CACNB2: variants seen among roughly 807,000 people sequenced by gnomAD.
CACNB2 encodes the protein calcium voltage-gated channel auxiliary subunit beta 2.
CACNB2 carries 42 observed loss-of-function variants against 73.3 expected under a neutral mutation model. That is an observed-to-expected ratio of 0.57 (90% CI 0.45 to 0.74). The LOEUF is 0.74. Among genes scored for constraint, CACNB2 ranks in the 30% least tolerant of loss-of-function variants. CACNB2 has a pLI of 0.00. For missense variants in CACNB2, 940 were observed against 853.0 expected, an observed-to-expected ratio of 1.10 and a Z score of -1.27; for synonymous variants, 348 against 310.3, an observed-to-expected ratio of 1.12 and a Z score of -1.28.
At chr10:18,462,750 A>T (rs1418632797) in intron 3 of CACNB2, among the ~76,000 whole-genome samples, 2 of 150,858 alleles carry the variant, frequency 1.3e-5, no homozygotes, top group Admixed American at 6.6e-5. Flanking sequence ...TACGTATTTT[A>T]TTTTTTATTT....
At chr10:18,193,311 C>T (rs188761152) in intron 2 of CACNB2, among the ~76,000 whole-genome samples, 223 of 151,734 alleles carry the variant, frequency 1.5e-3, no homozygotes, top group African/African-American at 5.1e-3. Context: ...TACATTTTCC[C>T]CAGCAATAAA....
intron 3 of CACNB2, 21 bp from the exon 4 acceptor site, chr10:18,498,334 C>T (rs1472776393): frequency 1.9e-6 from 3 of 1,613,898 alleles, no homozygotes; most frequent in Non-Finnish European, 2.5e-6. Flanking sequence ...ATTTTTTTCC[C>T]TCTTCCTTTT....
chr10:18,351,217 G>A (rs1216219181), intron 2 of CACNB2, among the ~76,000 whole-genome samples: 1 of 150,664 alleles, frequency 6.6e-6, no homozygotes, highest in African/African-American at 2.4e-5. Context: ...GCTTTCTTGG[G>A]ATCTTTAAAA....
At chr10:18,533,963 G>A in intron 10 of CACNB2, 113 bp from the exon 11 acceptor site, 1 of 933,662 alleles carries the variant, frequency 1.1e-6, no homozygotes, top group Non-Finnish European at 1.7e-6. Flanking sequence ...TCTATTGCCT[G>A]TAAGCATTAA....
At chr10:18,200,389 G>C (rs1423342287) in intron 2 of CACNB2, among the ~76,000 whole-genome samples, 1 of 151,780 alleles carries the variant, frequency 6.6e-6, no homozygotes, top group Non-Finnish European at 1.5e-5. Context: ...GTAATCTTTG[G>C]TATATCTTAT....
At chr10:18,314,115 C>CA (rs2040064113) in intron 2 of CACNB2, among the ~76,000 whole-genome samples, 3 of 104,544 alleles carry the variant, frequency 2.9e-5, no homozygotes, top group African/African-American at 1.1e-4. Context: ...ATTGGACACA[C>CA]GTATACATGG....
chr10:18,198,029 A>G (rs999884891), intron 2 of CACNB2, among the ~76,000 whole-genome samples: 2 of 148,122 alleles, frequency 1.4e-5, no homozygotes, highest in African/African-American at 4.9e-5. Flanking sequence ...ATAAATTTAC[A>G]TAATATACAG....
intron 2 of CACNB2, among the ~76,000 whole-genome samples, chr10:18,274,526 G>A (rs2038194108): frequency 1.3e-5 from 2 of 152,238 alleles, no homozygotes; most frequent in Admixed American, 6.5e-5. Flanking sequence ...GATTAAAGAT[G>A]GGTGAAGAGA....
intron 2 of CACNB2, among the ~76,000 whole-genome samples, chr10:18,207,072 G>A (rs2035125533): frequency 6.6e-6 from 1 of 152,128 alleles, no homozygotes; most frequent in African/African-American, 2.4e-5. Flanking sequence ...GCTGTGGCAT[G>A]ATCTCAGCTC....
intron 2 of CACNB2, chr10:18,340,871 G>C (rs2041204221): frequency 6.2e-7 from 1 of 1,614,040 alleles, no homozygotes; most frequent in Non-Finnish European, 8.5e-7. Flanking sequence ...CTGAATTCTT[G>C]CTCCTGTGAA....
chr10:18,285,628 C>A (rs1020516115), intron 2 of CACNB2, among the ~76,000 whole-genome samples: 2 of 152,192 alleles, frequency 1.3e-5, no homozygotes, highest in African/African-American at 4.8e-5. Context: ...ATAAGTTGTT[C>A]TTTTAAGCTA....
intron 2 of CACNB2, among the ~76,000 whole-genome samples, chr10:18,248,754 C>G (rs2036967553): frequency 1.3e-5 from 2 of 152,208 alleles, no homozygotes; most frequent in Non-Finnish European, 2.9e-5. Context: ...ATCACCTCCT[C>G]TCCTCAGATC....
At chr10:18,253,060 C>T (rs1034383992) in intron 2 of CACNB2, among the ~76,000 whole-genome samples, 1 of 152,200 alleles carries the variant, frequency 6.6e-6, no homozygotes, top group African/African-American at 2.4e-5. Context: ...CTGCCATTGC[C>T]TTGAGCAACT....
At chr10:18,175,740 C>T (rs958159970) in intron 2 of CACNB2, among the ~76,000 whole-genome samples, 4 of 152,110 alleles carry the variant, frequency 2.6e-5, no homozygotes, top group Non-Finnish European at 5.9e-5. Flanking sequence ...TGGGATTACA[C>T]GTGCCTGCCA....
At chr10:18,315,302 C>A (rs1263596225) in intron 2 of CACNB2, among the ~76,000 whole-genome samples, 1 of 151,502 alleles carries the variant, frequency 6.6e-6, no homozygotes, top group East Asian at 1.9e-4. Context: ...CCACTGCACT[C>A]CAGCCTGGGC....
chr10:18,535,776 A>AAT (rs377091499), intron 11 of CACNB2, among the ~76,000 whole-genome samples: 130 of 149,008 alleles, frequency 8.7e-4, no homozygotes, highest in African/African-American at 2.6e-3. Context: ...ACATCTCAAA[A>AAT]ATATATATAT....
chr10:18,509,065 G>C (rs2050631282), intron 6 of CACNB2, among the ~76,000 whole-genome samples: 1 of 152,208 alleles, frequency 6.6e-6, no homozygotes, highest in Non-Finnish European at 1.5e-5. Flanking sequence ...TCTGGTGACT[G>C]AGTCACTTGG....
intron 3 of CACNB2, among the ~76,000 whole-genome samples, chr10:18,482,578 A>G (rs979866905): frequency 3.9e-5 from 6 of 152,054 alleles, no homozygotes; most frequent in Non-Finnish European, 4.4e-5. Flanking sequence ...TGGCATGATC[A>G]CGGTTCACTG....
chr10:18,380,452 C>CTTTT lies in CACNB2; in HGVS notation c.214-21455_214-21452dup, dbSNP rs757792853. 1.7e-4 allele frequency among the ~76,000 whole-genome samples: 19 copies of CTTTT among 111,010 alleles called. 1 individual carries two copies. The highest frequency in any genetic ancestry group is 3.1e-4 in the Admixed American group (3 of 9,702). The allele number at this position is 111,010 out of a possible 152,430, so 72.8% of individuals were successfully genotyped here. Reference sequence around the variant, plus strand: ...TTGCTAACTTGAAACATGTGTTTTTCTTTTTTTTTTTTTTTTTTTTGAGAT... The same window carrying CTTTT: ...TTGCTAACTTGAAACATGTGTTTTTCTTTTTTTTTTTTTTTTTTTTTTTTGAGAT... On this transcript the variant is annotated intron_variant, in intron 2 of 13. Coordinates refer to ENST00000324631, the MANE Select transcript of CACNB2 (RefSeq NM_201596.3).
Sources: allele counts gnomAD v4.1 joint callset (sites outside exome capture counted in the v4.1 genomes callset), GRCh38; gene constraint gnomAD v4.1.1; transcripts MANE v1.5; gene names NCBI Gene and HGNC (gene_info 2026-07-23, HGNC 2026-07-21).